Variants in HSD3B7 observed in about 807,000 individuals in gnomAD.
The protein encoded by HSD3B7 is hydroxy-delta-5-steroid dehydrogenase, 3 beta- and steroid delta-isomerase 7.
A neutral mutation model predicts 34.3 loss-of-function variants in HSD3B7; 35 were observed. That is an observed-to-expected ratio of 1.02 (90% CI 0.78 to 1.35). HSD3B7 has a LOEUF of 1.35. Ranked by LOEUF, HSD3B7 falls within the 40% of genes most tolerant of loss-of-function variation. The probability of loss-of-function intolerance (pLI) is 0.00; values close to 1 mark genes in which losing one functional copy is unlikely to be tolerated. For missense variants in HSD3B7, 426 were observed against 504.7 expected (o/e 0.84, Z 1.49); for synonymous variants, 217 against 220.1 (o/e 0.99, Z 0.13).
rs2143645786 is a variant in HSD3B7 at position 30,988,284 on chromosome 16, G to A, written c.*101G>A. The A allele has an allele frequency of 1.7e-6, 2 of 1,186,786 alleles. No individual in the cohort carries two copies. The highest frequency in any genetic ancestry group is 2.3e-6 in the Non-Finnish European group (2 of 851,746). The allele number at this position is 1,186,786 out of a possible 1,614,324, so 73.5% of individuals were successfully genotyped here. A position where few individuals can be genotyped will look rare whatever the true frequency, so the allele number is the denominator to read the frequency against. On this transcript the variant is annotated 3_prime_UTR_variant, in exon 7 of 7. Coordinates refer to ENST00000297679, the MANE Select transcript of HSD3B7 (RefSeq NM_025193.4). ...GGGACAGCTGCATTCCAGAGCAGGAGGCAGGGCTCTGGGGCCAGAATGGCT... is the reference window on the plus strand; with the variant it reads ...GGGACAGCTGCATTCCAGAGCAGGAAGCAGGGCTCTGGGGCCAGAATGGCT...
At chr16:30,987,490 GT>G in intron 6 of HSD3B7, 1 of 553,368 alleles carries the variant, frequency 1.8e-6, no homozygotes, top group Non-Finnish European at 3.3e-6. Context: ...AGGGAATAAG[GT>G]CACCTGCCAC....
At chr16:30,985,340 A>G (rs2056451282) in intron 1 of HSD3B7, 43 bp downstream of exon 1, 16 of 1,257,074 alleles carry the variant, frequency 1.3e-5, no homozygotes, top group Non-Finnish European at 1.3e-5. Flanking sequence ...CTTTCCCTCC[A>G]TCCGGCCCTT....
At chr16:30,987,708 C>T in intron 6 of HSD3B7, 60 bp from the exon 7 acceptor site, 1 of 1,588,276 alleles carries the variant, frequency 6.3e-7, no homozygotes, top group Non-Finnish European at 8.6e-7. Flanking sequence ...GGAGAGCAGC[C>T]TCGATGTGGT....
chr16:30,985,557 G>A, intron 1 of HSD3B7, 96 bp from the exon 2 acceptor site: 1 of 1,533,554 alleles, frequency 6.5e-7, no homozygotes, highest in Non-Finnish European at 8.7e-7. Flanking sequence ...CCCCGCAAAC[G>A]CCAGCCTCGT....
rs1301967264 is a variant in HSD3B7 at position 30,986,051 on chromosome 16, C to T, written c.169C>T (p.Pro57Ser). 1 of 1,612,796 alleles carries T rather than the reference C, an allele frequency of 6.2e-7. No individual in the cohort carries two copies. The highest frequency in any genetic ancestry group is 8.5e-7 in the Non-Finnish European group (1 of 1,179,882). Residue 57 changes from proline (P) to serine (S), a missense_variant and splice_region_variant, in exon 3 of 7, where the codon CCT becomes TCT. Physicochemically the swap from Pro to Ser is moderately conservative, Grantham distance 74. Transcript: ENST00000297679. ...CTGTGTCCTCCAACCCCGGCCAGGG[C>T]CTGTGAGGGTGACTGCCATCCAGGG... ...GPWLEELKTG[P>S]VRVTAIQGDV...
At chr16:30,985,377 CCTCCCTCAA>C (rs778983603) in intron 1 of HSD3B7, 80 bp downstream of exon 1, 1 of 1,340,304 alleles carries the variant, frequency 7.5e-7, no homozygotes. Flanking sequence ...CTTCCCTCCA[CCTCCCTCAA>C]CTCCTGGCCT....
At chr16:30,985,420 A>G (rs2056453073) in intron 1 of HSD3B7, 123 bp downstream of exon 1, 6 of 1,413,274 alleles carry the variant, frequency 4.2e-6, no homozygotes, top group Non-Finnish European at 4.6e-6. Flanking sequence ...CTGCCTTCAA[A>G]TCTCTCTCCC....
chr16:30,986,771 C>T (rs2056486568), intron 5 of HSD3B7, 67 bp downstream of exon 5: 1 of 1,612,160 alleles, frequency 6.2e-7, no homozygotes, highest in African/African-American at 1.3e-5. Context: ...CCCTGCCAGC[C>T]CAAGGAGGCC....
rs551322959 is a variant in HSD3B7, at chr16:30,985,208, G to C, written c.-96G>C. ...GGGCAGGAGGGAGAAGGAGGAGCCAGCGGAAGGACGGTGTGCGGGCCGGCC... is the reference window on the plus strand; with the variant it reads ...GGGCAGGAGGGAGAAGGAGGAGCCACCGGAAGGACGGTGTGCGGGCCGGCC... On this transcript the variant is annotated 5_prime_UTR_variant, in exon 1 of 7. Coordinates refer to ENST00000297679, the MANE Select transcript of HSD3B7 (RefSeq NM_025193.4). 1.4e-4 allele frequency: 148 copies of C among 1,081,340 alleles called. No individual in the cohort carries two copies. In the African/African-American group the frequency reaches 2.3e-3, roughly 17 times the overall value. The allele number at this position is 1,081,340 out of a possible 1,614,324, so 67.0% of individuals were successfully genotyped here.
In HSD3B7 at chr16:30,986,190, A is replaced by T. The variant is rs751124985; in HGVS notation, c.308A>T (p.Glu103Val). Reference sequence around the variant, plus strand: ...AGGGCCAGTCCCAAGACCATCCATGAGGTCAACGTGCAGGGTGAGGAGCTC... The same window carrying T: ...AGGGCCAGTCCCAAGACCATCCATGTGGTCAACGTGCAGGGTGAGGAGCTC... ...FGRASPKTIH[E>V]VNVQGTRNVI... Residue 103 changes from glutamate (E) to valine (V), a missense_variant, in exon 3 of 7, where the codon GAG becomes GTG. Glu to Val is a moderately radical substitution (Grantham distance 121). Coordinates refer to ENST00000297679, the MANE Select transcript of HSD3B7 (RefSeq NM_025193.4). 6.2e-7 allele frequency: 1 copy of T among 1,614,000 alleles called. No individual in the cohort carries two copies. Among genetic ancestry groups the T allele is most frequent in the Non-Finnish European group, 8.5e-7 (1 of 1,179,970 alleles).
chr16:30,987,339 T>G, intron 6 of HSD3B7: 2 of 420,702 alleles, frequency 4.8e-6, no homozygotes, highest in Non-Finnish European at 8.8e-6. Flanking sequence ...CCCAGCACTT[T>G]AGGAGGCTGA....
intron 6 of HSD3B7, 120 bp downstream of exon 6, chr16:30,987,122 C>G: frequency 9.3e-7 from 1 of 1,074,576 alleles, no homozygotes; most frequent in Non-Finnish European, 1.3e-6. Context: ...AAAATATGGT[C>G]TATACATGGG....
Position 30,988,158 on chromosome 16 carries a change from A to G in HSD3B7, c.1085A>G (p.Gln362Arg), listed in dbSNP as rs2056516029. The change falls in exon 7 of 7, where the codon CAG becomes CGG. Residue 362 changes from glutamine to arginine, a missense_variant. Physicochemically the swap from Gln to Arg is conservative, Grantham distance 43. Coordinates refer to ENST00000297679, the MANE Select transcript of HSD3B7 (RefSeq NM_025193.4). ...DSRTRTILWVQAATGSAQ is the reference protein window; with the variant it reads ...DSRTRTILWVRAATGSAQ ...CGGACCCGTACCATTCTCTGGGTAC[A>G]GGCCGCTACGGGTTCAGCCCAGTGA... 3 of 1,604,202 alleles carry G rather than the reference A, an allele frequency of 1.9e-6. No individual in the cohort carries two copies. Among genetic ancestry groups the G allele is most frequent in the East Asian group, 2.2e-5 (1 of 44,738 alleles).
rs539939874 is a variant in HSD3B7 at position 30,988,712 on chromosome 16, C to T, written c.*529C>T. The T allele has an allele frequency of 2.6e-4, 40 of 156,186 alleles. No individual in the cohort carries two copies. In the East Asian group the frequency reaches 3.8e-3, roughly 15 times the overall value. 9.7% of individuals were successfully genotyped at this position (156,186 alleles called of 1,614,324 possible). Reference sequence around the variant, plus strand: ...TCCAAGTTCTAGGGCCGTCAGGACACGGGAGGGTTTGGGGACAGAGTGTCC... The same window carrying T: ...TCCAAGTTCTAGGGCCGTCAGGACATGGGAGGGTTTGGGGACAGAGTGTCC... On this transcript the variant is annotated 3_prime_UTR_variant, in exon 7 of 7. Transcript: ENST00000297679.
intron 6 of HSD3B7, 97 bp from the exon 7 acceptor site, chr16:30,987,671 A>T: frequency 7.1e-7 from 1 of 1,409,214 alleles, no homozygotes; most frequent in Non-Finnish European, 9.9e-7. Flanking sequence ...GGCGGCAACT[A>T]CCTGGGCCCA....
chr16:30,986,491 G>A lies in HSD3B7; in HGVS notation c.391G>A (p.Glu131Lys). 1.9e-6 allele frequency: 3 copies of A among 1,614,154 alleles called. No individual in the cohort carries two copies. The highest frequency in any genetic ancestry group is 1.7e-6 in the Non-Finnish European group (2 of 1,180,008). Residue 131 changes from glutamate to lysine, a missense_variant, in exon 4 of 7, where the codon GAA (glutamate) becomes AAA (lysine). By Grantham distance (56) the Glu-to-Lys change is moderately conservative. Transcript: ENST00000297679. Reference sequence around the variant, plus strand: ...GTTCCTGGTCTACACCAGCAGCATGGAAGTTGTGGGGCCTAACACCAAAGG... The same window carrying A: ...GTTCCTGGTCTACACCAGCAGCATGAAAGTTGTGGGGCCTAACACCAAAGG... ...TRFLVYTSSM[E>K]VVGPNTKGHP... is the part of the protein sequence containing the mutation.
intron 6 of HSD3B7, 182 bp downstream of exon 6, chr16:30,987,184 A>G: frequency 3.1e-6 from 2 of 653,918 alleles, no homozygotes; most frequent in Non-Finnish European, 5.2e-6. Flanking sequence ...TACAGGATCC[A>G]TGCAAGTTGG....
chr16:30,988,287 A>T lies in HSD3B7; in HGVS notation c.*104A>T. 8.7e-7 allele frequency: 1 copy of T among 1,154,494 alleles called. No individual in the cohort carries two copies. Among genetic ancestry groups the T allele is most frequent in the Non-Finnish European group, 1.2e-6 (1 of 823,330 alleles). 71.5% of individuals were successfully genotyped at this position (1,154,494 alleles called of 1,614,324 possible). A position where few individuals can be genotyped will look rare whatever the true frequency, so the allele number is the denominator to read the frequency against. On this transcript the variant is annotated 3_prime_UTR_variant, in exon 7 of 7. Coordinates refer to ENST00000297679, the MANE Select transcript of HSD3B7 (RefSeq NM_025193.4). ...ACAGCTGCATTCCAGAGCAGGAGGC[A>T]GGGCTCTGGGGCCAGAATGGCTGTC... is the stretch of plus-strand genomic sequence containing the variant.
intron 2 of HSD3B7, 62 bp downstream of exon 2, chr16:30,985,886 T>C (rs1242802683): frequency 6.3e-7 from 1 of 1,585,816 alleles, no homozygotes. Context: ...CTTCCCAAGC[T>C]GGGATCCCCA....
Sources: allele counts gnomAD v4.1 joint callset, GRCh38; gene constraint gnomAD v4.1.1; transcripts MANE v1.5; gene names NCBI Gene and HGNC (gene_info 2026-07-23, HGNC 2026-07-21).